Variants in PDE1C observed in about 807,000 individuals in gnomAD.
PDE1C encodes the protein dual specificity calcium/calmodulin-dependent 3',5'-cyclic nucleotide phosphodiesterase 1C.
In PDE1C, 62 loss-of-function variants were observed where a neutral mutation model predicts 93.1. That is an observed-to-expected ratio of 0.67 (90% CI 0.54 to 0.82). The LOEUF is 0.82. Among genes scored for constraint, PDE1C ranks in the 40% least tolerant of loss-of-function variants. The pLI is 0.00. For missense variants in PDE1C, 742 were observed against 884.6 expected (o/e 0.84, Z 2.04); for synonymous variants, 325 against 310.1 (o/e 1.05, Z -0.50).
chr7:31,735,064 A>G, the PDE1C span, among the ~76,000 whole-genome samples: 4 of 152,186 alleles, frequency 2.6e-5, no homozygotes, highest in Non-Finnish European at 5.9e-5. Context: ...CATTTTTACA[A>G]GATCCATAGG....
At chr7:31,981,370 G>A (rs905452861) in intron 2 of PDE1C, among the ~76,000 whole-genome samples, 10 of 152,100 alleles carry the variant, frequency 6.6e-5, no homozygotes, top group Admixed American at 4.6e-4. Context: ...AGATAAGGTC[G>A]TAAATAAAGT....
chr7:31,801,639 G>A (rs2128691407), intron 16 of PDE1C, among the ~76,000 whole-genome samples: 1 of 151,506 alleles, frequency 6.6e-6, no homozygotes, highest in Middle Eastern at 3.4e-3. Flanking sequence ...AAATGTTTTT[G>A]TAGTTTGTTT....
chr7:31,630,681 T>C, the PDE1C span, among the ~76,000 whole-genome samples: 1 of 152,082 alleles, frequency 6.6e-6, no homozygotes, highest in Admixed American at 6.6e-5. Context: ...AGACTAAATA[T>C]ATAGCTTATG....
At chr7:31,831,991 G>A (rs547005744) in intron 11 of PDE1C, among the ~76,000 whole-genome samples, 1 of 152,106 alleles carries the variant, frequency 6.6e-6, no homozygotes. Context: ...AGACCTAGCA[G>A]AGCACAGGAA....
At chr7:32,355,137 C>T (rs1282947873) in intron 1 of PDE1C, among the ~76,000 whole-genome samples, 1 of 152,162 alleles carries the variant, frequency 6.6e-6, no homozygotes, top group East Asian at 1.9e-4. Context: ...AGCTCCTTCA[C>T]CCACAAAGCA....
the PDE1C span, chr7:31,651,010 T>TC: frequency 1.1e-6 from 1 of 921,992 alleles, no homozygotes. Flanking sequence ...TCCTATTCCC[T>TC]CCCCCTTATA....
At chr7:31,618,326 G>C in the PDE1C span, among the ~76,000 whole-genome samples, 1 of 148,712 alleles carries the variant, frequency 6.7e-6, no homozygotes, top group Non-Finnish European at 1.5e-5. Flanking sequence ...AATCCAAAGG[G>C]GGCAAATTCA....
chr7:31,839,169 C>T (rs1324533516), intron 9 of PDE1C, among the ~76,000 whole-genome samples: 2 of 147,890 alleles, frequency 1.4e-5, no homozygotes, highest in African/African-American at 4.9e-5. Context: ...TGTATGTATA[C>T]ACACATACAT....
intron 1 of PDE1C, among the ~76,000 whole-genome samples, chr7:32,242,704 A>G (rs901418874): frequency 6.6e-6 from 1 of 152,192 alleles, no homozygotes; most frequent in African/African-American, 2.4e-5. Flanking sequence ...GGATGCAAGA[A>G]CAATGGCCCA....
intron 17 of PDE1C, among the ~76,000 whole-genome samples, chr7:31,757,345 T>C (rs10441083): frequency 0.15 from 22,423 of 152,210 alleles, 1,870 homozygotes; most frequent in Non-Finnish European, 0.18. Flanking sequence ...ACTTTCTAAT[T>C]TTTCTATGAT....
chr7:32,265,318 C>G (rs1175662833), intron 1 of PDE1C, among the ~76,000 whole-genome samples: 1 of 152,188 alleles, frequency 6.6e-6, no homozygotes, highest in Non-Finnish European at 1.5e-5. Flanking sequence ...TGATTTAAAC[C>G]TGGCCAATGC....
intron 1 of PDE1C, among the ~76,000 whole-genome samples, chr7:32,275,412 C>A (rs897927442): frequency 2.6e-5 from 4 of 152,220 alleles, no homozygotes; most frequent in African/African-American, 9.6e-5. Flanking sequence ...GTAGGCACAT[C>A]ACCTGCATAG....
Position 31,752,830 on chromosome 7 carries a change from C to T in PDE1C, c.*554G>A, listed in dbSNP as rs1222873606. 2.0e-5 allele frequency: 3 copies of T among 152,180 alleles called. No homozygotes were observed. The highest frequency in any genetic ancestry group is 4.8e-5 in the African/African-American group (2 of 41,446). 9.4% of individuals were successfully genotyped at this position (152,180 alleles called of 1,614,324 possible). ...GAATACAACAATTCATCCGTCTTCTCTTCCTTTTAATATTTTTACATTCAG... is the reference window on the plus strand; with the variant it reads ...GAATACAACAATTCATCCGTCTTCTTTTCCTTTTAATATTTTTACATTCAG... On this transcript the variant is annotated 3_prime_UTR_variant, in exon 18 of 18. Coordinates refer to ENST00000396191, the MANE Select transcript of PDE1C (RefSeq NM_001191057.4).
At chr7:32,344,578 C>T (rs1286786600) in intron 1 of PDE1C, among the ~76,000 whole-genome samples, 11 of 152,042 alleles carry the variant, frequency 7.2e-5, no homozygotes, top group Admixed American at 7.2e-4. Flanking sequence ...TTTTTCTTTC[C>T]CCCAGATATC....
chr7:32,311,736 G>C (rs911331616), intron 1 of PDE1C, among the ~76,000 whole-genome samples: 15 of 152,110 alleles, frequency 9.9e-5, no homozygotes, highest in African/African-American at 3.1e-4. Context: ...AATAAATTAG[G>C]TATTGATGGG....
chr7:32,283,356 G>A (rs1180935274), intron 1 of PDE1C, among the ~76,000 whole-genome samples: 2 of 151,892 alleles, frequency 1.3e-5, no homozygotes, highest in Non-Finnish European at 2.9e-5. Context: ...TTTTGTTCAG[G>A]GAAGATATTC....
intron 3 of PDE1C, among the ~76,000 whole-genome samples, chr7:32,133,073 T>C (rs550799648): frequency 6.6e-6 from 1 of 152,266 alleles, no homozygotes; most frequent in South Asian, 2.1e-4. Context: ...ATTAGAAGTA[T>C]TAAATAAAAA....
At chr7:31,718,129 T>A in the PDE1C span, among the ~76,000 whole-genome samples, 1 of 152,064 alleles carries the variant, frequency 6.6e-6, no homozygotes, top group Non-Finnish European at 1.5e-5. Context: ...CTGTATGGGA[T>A]CTTGGTCCCA....
chr7:31,964,115 C>T (rs1563108612), intron 2 of PDE1C, among the ~76,000 whole-genome samples: 2 of 152,238 alleles, frequency 1.3e-5, no homozygotes, highest in Admixed American at 1.3e-4. Flanking sequence ...TGGGGCAAGA[C>T]AGTGGGTGCA....
Sources: gnomAD v4.1 joint callset for allele counts (sites outside exome capture counted in the v4.1 genomes callset) on GRCh38, gnomAD v4.1.1 for gene constraint, MANE v1.5 for transcripts, NCBI Gene and HGNC (gene_info 2026-07-23, HGNC 2026-07-21) for gene names.